Variants in ADGRB1 observed in about 807,000 individuals in gnomAD.
ADGRB1 encodes adhesion G protein-coupled receptor B1, also known as brain-specific angiogenesis inhibitor 1.
In ADGRB1, 36 loss-of-function variants were observed where a neutral mutation model predicts 175.7. That is an observed-to-expected ratio of 0.20 (90% CI 0.16 to 0.27). The LOEUF (loss-of-function observed/expected upper bound fraction) is 0.27, where lower values mean the gene tolerates loss of function less well. Among genes scored for constraint, ADGRB1 ranks in the 10% least tolerant of loss-of-function variants. The probability of loss-of-function intolerance (pLI) is 1.00; values close to 1 mark genes in which losing one functional copy is unlikely to be tolerated. For missense variants in ADGRB1, 1,731 were observed against 2,255.3 expected (o/e 0.77, Z 4.71); for synonymous variants, 1,054 against 979.4 (o/e 1.08, Z -1.42).
rs753082959 is a variant in ADGRB1, at chr8:142,489,046, G to A, written c.2464G>A (p.Ala822Thr). Residue 822 changes from alanine to threonine, a missense_variant, in exon 15 of 31, where the codon GCA becomes ACA. This residue lies in a region of ADGRB1 where 388 missense variants were observed against 630.9 expected (regional missense o/e 0.61). Coordinates refer to ENST00000517894, the MANE Select transcript of ADGRB1 (RefSeq NM_001702.3). ...GCACTTTCTTCCAGAGGCCGATGAAGCATCCGTGTTTGTGGTGGGCACCGT... is the reference window on the plus strand; with the variant it reads ...GCACTTTCTTCCAGAGGCCGATGAAACATCCGTGTTTGTGGTGGGCACCGT... ...FSTGLTEADE[A>T]SVFVVGTVLY... 3 of 1,611,956 alleles carry A rather than the reference G, an allele frequency of 1.9e-6. No homozygotes were observed. Among genetic ancestry groups the A allele is most frequent in the Non-Finnish European group, 1.7e-6 (2 of 1,179,592 alleles).
intron 20 of ADGRB1, 87 bp downstream of exon 20, chr8:142,521,012 C>G: frequency 7.5e-7 from 1 of 1,335,438 alleles, no homozygotes. Flanking sequence ...CCGTGGGATC[C>G]CTGGGAAACT....
At position 142,484,695 on chromosome 8, in the gene ADGRB1, G is replaced by A. The variant is rs914752127; in HGVS notation, c.2239G>A (p.Asp747Asn). 5.6e-6 allele frequency: 9 copies of A among 1,612,024 alleles called. No homozygotes were observed. Among genetic ancestry groups the A allele is most frequent in the Admixed American group, 1.7e-5 (1 of 59,914 alleles). The change falls in exon 13 of 31, where the codon GAC (aspartate) becomes AAC (asparagine). Residue 747 changes from aspartate to asparagine, a missense_variant. Asp to Asn is a conservative substitution (Grantham distance 23). Around this residue, in one of 8 missense-constraint regions of ADGRB1, gnomAD observed 388 missense variants for 630.9 expected, o/e 0.61. Transcript: ENST00000517894. ...NAKELFRLVE[D>N]FVDVIGFRMK... ...CAAGGAGCTGTTCCGGCTGGTGGAGGACTTTGTGGACGTCATCGGCTTCCG... is the reference window on the plus strand; with the variant it reads ...CAAGGAGCTGTTCCGGCTGGTGGAGAACTTTGTGGACGTCATCGGCTTCCG...
rs766901843 is a variant in ADGRB1, at chr8:142,483,954, G to T, written c.2131-23G>T. ...TTTTGTGCCCTGTTCTCTGTCACTG[G>T]CCCTTCTTCCTCTTCTTTCCAGAAC... On this transcript the variant is annotated intron_variant, in intron 11 of 30. Coordinates refer to ENST00000517894, the MANE Select transcript of ADGRB1 (RefSeq NM_001702.3). The T allele has an allele frequency of 2.5e-6, 4 of 1,612,476 alleles. No individual in the cohort carries two copies. In the Admixed American group the frequency reaches 6.7e-5, roughly 27 times the overall value.
rs1422277884 is a variant in ADGRB1, at chr8:142,510,631, G to A, written c.2676-301G>A. Among the ~76,000 whole-genome samples the A allele has an allele frequency of 6.9e-6, 1 of 145,780 alleles. No individual in the cohort carries two copies. The highest frequency in any genetic ancestry group is 2.5e-5 in the African/African-American group (1 of 40,624). On this transcript the variant is annotated intron_variant, in intron 17 of 30. Coordinates refer to ENST00000517894, the MANE Select transcript of ADGRB1 (RefSeq NM_001702.3). This position sits in a 1 kb window ranked among gnomAD's most constrained non-coding sequence, Gnocchi z 6.3. Reference sequence around the variant, plus strand: ...GCGGGGCGGGCGACTGCCGGGCCCCGGGCCAGCTCTCGCCCCCCGCCCCGC... The same window carrying A: ...GCGGGGCGGGCGACTGCCGGGCCCCAGGCCAGCTCTCGCCCCCCGCCCCGC...
At chr8:142,476,782 TTGAATA>T in intron 4 of ADGRB1, 87 bp downstream of exon 4, 4 of 1,286,062 alleles carry the variant, frequency 3.1e-6, no homozygotes, top group Non-Finnish European at 4.2e-6. Flanking sequence ...GGGTAGTAAC[TTGAATA>T]ACATGCCATA....
rs764875049 is a variant in ADGRB1, at chr8:142,526,538, G to A, written c.3313-4G>A. 2 of 1,455,978 alleles carry A rather than the reference G, an allele frequency of 1.4e-6. No individual in the cohort carries two copies. Among genetic ancestry groups the A allele is most frequent in the Non-Finnish European group, 1.9e-6 (2 of 1,075,548 alleles). The allele number at this position is 1,455,978 out of a possible 1,614,324, so 90.2% of individuals were successfully genotyped here. ...CCACACCCCCACCACTCTCTGCCCG[G>A]CAGGTGAACATGGTCATTGGGATCC... On this transcript the variant is annotated splice_region_variant and splice_polypyrimidine_tract_variant and intron_variant, in intron 23 of 30. Transcript: ENST00000517894.
chr8:142,513,878 G>A (rs1055800019), intron 18 of ADGRB1, among the ~76,000 whole-genome samples: 47 of 152,074 alleles, frequency 3.1e-4, no homozygotes, highest in Admixed American at 1.4e-3. Flanking sequence ...CTGGTGGCCC[G>A]CAAGGCCTGG....
At chr8:142,526,069 G>A (rs1198409057) in intron 23 of ADGRB1, among the ~76,000 whole-genome samples, 2 of 152,162 alleles carry the variant, frequency 1.3e-5, no homozygotes, top group African/African-American at 4.8e-5. Flanking sequence ...GGGTGCAGGC[G>A]CCCAGCCAGG....
chr8:142,534,443 G>A (rs1844811877), intron 25 of ADGRB1, among the ~76,000 whole-genome samples: 1 of 152,228 alleles, frequency 6.6e-6, no homozygotes, highest in Non-Finnish European at 1.5e-5. Flanking sequence ...GATGCCGCCT[G>A]GAAACAAGTC....
chr8:142,500,958 G>A (rs896950274), intron 17 of ADGRB1, among the ~76,000 whole-genome samples: 3 of 152,286 alleles, frequency 2.0e-5, no homozygotes, highest in Non-Finnish European at 4.4e-5. Context: ...GGTGATGGTG[G>A]TGGCCGTCCC....
chr8:142,536,683 A>T (rs1330569466), intron 25 of ADGRB1, among the ~76,000 whole-genome samples: 1 of 151,426 alleles, frequency 6.6e-6, no homozygotes, highest in African/African-American at 2.4e-5. Context: ...AGGTCAGGGC[A>T]GGTTCTCGCA....
Position 142,516,204 on chromosome 8 carries a change from GCA to G in ADGRB1, c.2818-1933_2818-1932del, listed in dbSNP as rs1195163248. Among the ~76,000 whole-genome samples, 134 of 148,906 alleles carry G rather than the reference GCA, an allele frequency of 9.0e-4. 1 individual carries two copies. Among genetic ancestry groups the G allele is most frequent in the Non-Finnish European group, 1.7e-3 (111 of 67,134 alleles). ...GCGTGCGTGTGTGGGGGCCCCAGGT[GCA>G]TGCGTGTGTGCGGGCCCCAGGTGTG... On this transcript the variant is annotated intron_variant, in intron 18 of 30. Coordinates refer to ENST00000517894, the MANE Select transcript of ADGRB1 (RefSeq NM_001702.3).
chr8:142,539,227 G>C (rs574980117), intron 26 of ADGRB1, 147 bp from the exon 27 acceptor site: 6 of 725,880 alleles, frequency 8.3e-6, no homozygotes, highest in Non-Finnish European at 1.3e-5. Context: ...AGGCATGGTC[G>C]CCCACGTGGG....
At position 142,544,552 on chromosome 8, in the gene ADGRB1, G is replaced by A. The variant is rs180845177; in HGVS notation, c.*135G>A. 8,173 of 1,104,860 alleles carry A rather than the reference G, an allele frequency of 7.4e-3. 41 individuals carry two copies. Among genetic ancestry groups the A allele is most frequent in the African/African-American group, 0.011 (649 of 59,472 alleles). 68.4% of individuals were successfully genotyped at this position (1,104,860 alleles called of 1,614,324 possible). ...CCCGGCCTCAGGGCGCTCAGACGGC[G>A]GCCAGGCACAGGGCCCGCAGTGCTG... is the stretch of plus-strand genomic sequence containing the variant. On this transcript the variant is annotated 3_prime_UTR_variant, in exon 31 of 31. Coordinates refer to ENST00000517894, the MANE Select transcript of ADGRB1 (RefSeq NM_001702.3).
At chr8:142,459,694 A>ATATGCACG (rs1839869352) in intron 1 of ADGRB1, among the ~76,000 whole-genome samples, 1 of 152,184 alleles carries the variant, frequency 6.6e-6, no homozygotes, top group African/African-American at 2.4e-5. Context: ...ATGCACACAC[A>ATATGCACG]TATGCACGGG....
chr8:142,520,940 G>A lies in ADGRB1; in HGVS notation c.3024+15G>A, dbSNP rs370681439. 3.1e-5 allele frequency: 50 copies of A among 1,600,734 alleles called. No individual in the cohort carries two copies. Among genetic ancestry groups the A allele is most frequent in the Admixed American group, 3.0e-4 (18 of 59,938 alleles). ...CCCGCAACAAGGTAGGCAGCCTTGC[G>A]TCCTGCCATGCACTTCCCAACATCC... On this transcript the variant is annotated intron_variant, in intron 20 of 30. Transcript: ENST00000517894.
intron 24 of ADGRB1, among the ~76,000 whole-genome samples, chr8:142,532,566 A>G (rs1248906941): frequency 6.6e-6 from 1 of 152,020 alleles, no homozygotes; most frequent in Non-Finnish European, 1.5e-5. Flanking sequence ...GAAGAGGAGG[A>G]GGCGCCTGTC....
intron 2 of ADGRB1, among the ~76,000 whole-genome samples, chr8:142,470,879 C>G (rs1019658904): frequency 6.6e-6 from 1 of 152,264 alleles, no homozygotes; most frequent in African/African-American, 2.4e-5. Context: ...GTTGGAGACA[C>G]AGTCAGGCTC....
intron 17 of ADGRB1, among the ~76,000 whole-genome samples, chr8:142,502,414 G>A (rs77993873): frequency 5.5e-3 from 45 of 8,110 alleles, no homozygotes; most frequent in Non-Finnish European, 7.0e-3. Context: ...GGTGGTGGTG[G>A]TGGTGATGGT....
Sources: gnomAD v4.1 joint callset for allele counts (sites outside exome capture counted in the v4.1 genomes callset) on GRCh38, gnomAD v4.1.1 for gene constraint, gnomAD v4.1.1 regional missense constraint, Gnocchi (gnomAD v3.1) non-coding constraint, MANE v1.5 for transcripts, NCBI Gene and HGNC (gene_info 2026-07-23, HGNC 2026-07-21) for gene names.